The following EED variants were observed in gnomAD, a reference collection of about 807,000 sequenced individuals.
The protein encoded by EED is polycomb protein EED.
Under a neutral mutation model 61.0 loss-of-function variants are expected in EED, and 9 were observed. The observed-to-expected ratio is 0.15, with a 90% CI of 0.09 to 0.26. The LOEUF (loss-of-function observed/expected upper bound fraction) is 0.26. Ranked by LOEUF, EED falls within the 10% of genes least tolerant of loss-of-function variation. EED has a pLI of 1.00. For synonymous variants in EED, 187 were observed against 174.4 expected, an observed-to-expected ratio of 1.07 and a Z score of -0.57; for missense variants, 315 against 542.3, an observed-to-expected ratio of 0.58 and a Z score of 4.16.
chr11:86,264,815 T>G (rs529468937), intron 7 of EED: 1 of 152,334 alleles, frequency 6.6e-6, no homozygotes, highest in East Asian at 1.9e-4. Flanking sequence ...TGTTTTTAGT[T>G]AGGTTTCAGA....
chr11:86,269,113 G>A (rs1172441419), intron 9 of EED, among the ~76,000 whole-genome samples: 1 of 152,172 alleles, frequency 6.6e-6, no homozygotes, highest in Non-Finnish European at 1.5e-5. Context: ...TATCTTAAAT[G>A]TGCTCAGAAT....
intron 1 of EED, among the ~76,000 whole-genome samples, chr11:86,248,423 T>C (rs1363283756): frequency 1.3e-5 from 2 of 152,208 alleles, no homozygotes; most frequent in African/African-American, 4.8e-5. Flanking sequence ...AACTGATATA[T>C]AAAAACGTCT....
At chr11:86,252,126 T>C in intron 2 of EED, 22 bp from the exon 3 acceptor site, 1 of 1,591,676 alleles carries the variant, frequency 6.3e-7, no homozygotes, top group East Asian at 2.2e-5. Flanking sequence ...TAATCTTTTC[T>C]TATTTCATGA....
At chr11:86,273,017 A>G (rs1299438191) in intron 9 of EED, among the ~76,000 whole-genome samples, 1 of 151,986 alleles carries the variant, frequency 6.6e-6, no homozygotes, top group Non-Finnish European at 1.5e-5. Flanking sequence ...TATTATCAGC[A>G]TTTTACAATA....
chr11:86,272,945 G>A (rs1183587986), intron 9 of EED, among the ~76,000 whole-genome samples: 1 of 151,634 alleles, frequency 6.6e-6, no homozygotes, highest in Non-Finnish European at 1.5e-5. Flanking sequence ...AACTTTCTGG[G>A]TTACATGAAC....
intron 3 of EED, among the ~76,000 whole-genome samples, chr11:86,253,395 G>T (rs1489568225): frequency 6.6e-6 from 1 of 152,136 alleles, no homozygotes; most frequent in Non-Finnish European, 1.5e-5. Context: ...TTAATATTTA[G>T]CTTTGATAGT....
At chr11:86,281,162 T>A (rs1232655175), downstream of EED, among the ~76,000 whole-genome samples, 1 of 152,248 alleles carries the variant, frequency 6.6e-6, no homozygotes, top group Non-Finnish European at 1.5e-5. Context: ...AGGCTAATAC[T>A]GTCCTCGTAA....
In EED at chr11:86,249,657, TTA is replaced by T. The variant is rs1271288725; in HGVS notation, c.115-637_115-636del. Among the ~76,000 whole-genome samples, 3 of 141,106 alleles carry T rather than the reference TTA, an allele frequency of 2.1e-5. No homozygotes were observed. The East Asian group carries it at 5.9e-4, about 28-fold the overall frequency. 92.6% of individuals were successfully genotyped at this position (141,106 alleles called of 152,430 possible). A position where few individuals can be genotyped will look rare whatever the true frequency, so the allele number is the denominator to read the frequency against. On this transcript the variant is annotated intron_variant, in intron 1 of 11. Coordinates refer to ENST00000263360, the MANE Select transcript of EED (RefSeq NM_003797.5). ...GATTGAGAGTCTCTGGAGTTCTGATTTATGAGTATTATTACTTTAGAACAATG... is the reference window on the plus strand; with the variant it reads ...GATTGAGAGTCTCTGGAGTTCTGATTTGAGTATTATTACTTTAGAACAATG...
downstream of EED, among the ~76,000 whole-genome samples, chr11:86,280,480 G>T (rs972725822): frequency 1.3e-5 from 2 of 152,094 alleles, no homozygotes; most frequent in African/African-American, 2.4e-5. Flanking sequence ...CCAGTCACCA[G>T]TTATCTCATT....
At chr11:86,273,642 T>C (rs1946166796) in intron 9 of EED, among the ~76,000 whole-genome samples, 1 of 152,264 alleles carries the variant, frequency 6.6e-6, no homozygotes, top group Admixed American at 6.5e-5. Context: ...TCATTTCTTC[T>C]TTATTTCTGA....
Position 86,270,674 on chromosome 11 carries a change from T to C in EED, c.966+2113T>C, listed in dbSNP as rs1298816022. Among the ~76,000 whole-genome samples, 3 of 152,330 alleles carry C rather than the reference T, an allele frequency of 2.0e-5. No homozygotes were observed. The East Asian group carries it at 5.8e-4, about 29-fold the overall frequency. On this transcript the variant is annotated intron_variant, in intron 9 of 11. Coordinates refer to ENST00000263360, the MANE Select transcript of EED (RefSeq NM_003797.5). ...GCTATGTTTTACATTAAATGTGTAA[T>C]CCATTTTGAGTTGATTTCCTTATGA... is the stretch of plus-strand genomic sequence containing the variant.
At chr11:86,264,338 A>G in intron 7 of EED, 75 bp downstream of exon 7, 1 of 1,067,214 alleles carries the variant, frequency 9.4e-7, no homozygotes, top group Non-Finnish European at 1.4e-6. Context: ...CTGTTTCCTT[A>G]TAAGAAAGTG....
chr11:86,278,622 T>A lies in EED; in HGVS notation c.*97T>A. 1.3e-6 allele frequency: 2 copies of A among 1,486,242 alleles called. No homozygotes were observed. Among genetic ancestry groups the A allele is most frequent in the Non-Finnish European group, 1.8e-6 (2 of 1,103,418 alleles). The allele number at this position is 1,486,242 out of a possible 1,614,324, so 92.1% of individuals were successfully genotyped here. On this transcript the variant is annotated 3_prime_UTR_variant, in exon 12 of 12. Coordinates refer to ENST00000263360, the MANE Select transcript of EED (RefSeq NM_003797.5). The stretch of plus-strand genomic sequence containing the variant: ...TAAGGGCACGTAGAGCATTTAGAGT[T>A]GTCTTTCAGCATTCAATCAGGCTGA...
chr11:86,268,671 G>T, intron 9 of EED, 110 bp downstream of exon 9: 1 of 622,026 alleles, frequency 1.6e-6, no homozygotes, highest in Non-Finnish European at 2.6e-6. Flanking sequence ...ACTTTATGTA[G>T]TTTATTAAAT....
At chr11:86,286,197 A>T in the EED span, among the ~76,000 whole-genome samples, 573 of 144,018 alleles carry the variant, frequency 4.0e-3, 5 homozygotes, top group African/African-American at 0.014. Flanking sequence ...CAGCCAGCTA[A>T]TTTTTTTTTT....
At chr11:86,278,208 A>G in intron 11 of EED, 191 bp from the exon 12 acceptor site, 2 of 1,333,730 alleles carry the variant, frequency 1.5e-6, no homozygotes, top group South Asian at 2.4e-5. Flanking sequence ...CAAATTATGT[A>G]GTGCTTGTTG....
chr11:86,266,013 A>G, intron 7 of EED, 70 bp from the exon 8 acceptor site: 1 of 1,399,244 alleles, frequency 7.1e-7, no homozygotes, highest in Non-Finnish European at 9.8e-7. Flanking sequence ...TATGTTGCAC[A>G]TTAGGCAAAA....
rs762864212 is a variant in EED at position 86,259,958 on chromosome 11, CAG to C, written c.634+2365_634+2366del. ...AATCTGGCAGTTCCTCAAAATGTTA[CAG>C]AGTCACTAATCCTAGATGTTTACAT... On this transcript the variant is annotated intron_variant, in intron 6 of 11. Coordinates refer to ENST00000263360, the MANE Select transcript of EED (RefSeq NM_003797.5). Among the ~76,000 whole-genome samples the C allele has an allele frequency of 1.9e-3, 293 of 152,150 alleles. 1 individual carries two copies. The highest frequency in any genetic ancestry group is 2.2e-3 in the Non-Finnish European group (151 of 67,962).
At chr11:86,245,373 T>C in intron 1 of EED, 30 bp downstream of exon 1, 1 of 1,550,306 alleles carries the variant, frequency 6.5e-7, no homozygotes, top group Non-Finnish European at 8.8e-7. Flanking sequence ...GTTACGAGAC[T>C]GCGGAGTGAA....
Sources: allele counts gnomAD v4.1 joint callset (sites outside exome capture counted in the v4.1 genomes callset), GRCh38; gene constraint gnomAD v4.1.1; transcripts MANE v1.5; gene names NCBI Gene and HGNC (gene_info 2026-07-23, HGNC 2026-07-21).